The following CLIP1 variants were observed in gnomAD, a reference collection of about 807,000 sequenced individuals.
CLIP1 encodes the protein CAP-Gly domain-containing linker protein 1.
Under a neutral mutation model 161.6 loss-of-function variants are expected in CLIP1, and 66 were observed. That is an observed-to-expected ratio of 0.41 (90% confidence interval 0.33 to 0.50). The LOEUF (loss-of-function observed/expected upper bound fraction) is 0.50. Ranked by LOEUF, CLIP1 falls within the 20% of genes least tolerant of loss-of-function variation. The pLI is 0.27. For synonymous variants in CLIP1, 598 were observed against 626.2 expected, an observed-to-expected ratio of 0.96 and a Z score of 0.67; for missense variants, 1,376 against 1,702.0, an observed-to-expected ratio of 0.81 and a Z score of 3.37.
intron 1 of CLIP1, among the ~76,000 whole-genome samples, chr12:122,416,846 G>A (rs1220173045): frequency 6.6e-6 from 1 of 151,978 alleles, no homozygotes; most frequent in Non-Finnish European, 1.5e-5. Context: ...GTTGCAGTAA[G>A]CAGAGATCAC....
At chr12:122,397,406 C>G (rs916876038) in intron 1 of CLIP1, among the ~76,000 whole-genome samples, 1 of 151,426 alleles carries the variant, frequency 6.6e-6, no homozygotes, top group Non-Finnish European at 1.5e-5. Context: ...TGAGACCAGC[C>G]TGGGCAACAT....
chr12:122,303,023 A>C (rs1950748286), intron 20 of CLIP1, among the ~76,000 whole-genome samples: 1 of 152,218 alleles, frequency 6.6e-6, no homozygotes, highest in Non-Finnish European at 1.5e-5. Flanking sequence ...GAGCCACTGC[A>C]TCTGGCCCTT....
At chr12:122,364,721 A>C (rs1954040197) in intron 3 of CLIP1, 1 of 557,506 alleles carries the variant, frequency 1.8e-6, no homozygotes, top group Non-Finnish European at 3.4e-6. Flanking sequence ...TTATTTTTCT[A>C]ACAGAAATGT....
At chr12:122,347,346 C>A (rs1952799195) in intron 10 of CLIP1, 29 bp downstream of exon 10, 1 of 1,506,364 alleles carries the variant, frequency 6.6e-7, no homozygotes, top group Non-Finnish European at 9.2e-7. Flanking sequence ...ATGCATGGGT[C>A]TGCTTCATTA....
chr12:122,279,010 C>A lies in CLIP1; in HGVS notation c.3765+18G>T, dbSNP rs201175616. The A allele has an allele frequency of 6.2e-7, 1 of 1,609,216 alleles. No homozygotes were observed. Among genetic ancestry groups the A allele is most frequent in the Non-Finnish European group, 8.5e-7 (1 of 1,178,460 alleles). ...AGGAGGCCGCGTGAAAGCTCGTGCA[C>A]CCTGGGTGGTACTCTACCTCATTTC... On this transcript the variant is annotated intron_variant, in intron 22 of 25. Transcript: ENST00000620786. The surrounding 1 kb of genome is among the most constrained non-coding windows in gnomAD (Gnocchi z 4.5).
intron 20 of CLIP1, among the ~76,000 whole-genome samples, chr12:122,305,572 A>G (rs1429047170): frequency 2.0e-5 from 3 of 152,226 alleles, no homozygotes; most frequent in Non-Finnish European, 4.4e-5. Context: ...CGGCCACCAC[A>G]ACTCTGCAAC....
At chr12:122,331,688 T>C (rs575026502) in intron 15 of CLIP1, among the ~76,000 whole-genome samples, 4 of 152,304 alleles carry the variant, frequency 2.6e-5, no homozygotes, top group East Asian at 1.9e-4. Context: ...ATAGATAATA[T>C]GTGTTTCCTA....
chr12:122,278,149 A>C lies in CLIP1; in HGVS notation c.3966+5T>G. ...GAAAGTAAAGCAATAAGGCAGGAACATTACCTGACTCTCCTGGGCTCTTTC... is the reference window on the plus strand; with the variant it reads ...GAAAGTAAAGCAATAAGGCAGGAACCTTACCTGACTCTCCTGGGCTCTTTC... On this transcript the variant is annotated splice_donor_5th_base_variant and intron_variant, in intron 24 of 25. Coordinates refer to ENST00000620786, the MANE Select transcript of CLIP1 (RefSeq NM_001247997.2). 1 of 1,606,996 alleles carries C rather than the reference A, an allele frequency of 6.2e-7. No homozygotes were observed. Among genetic ancestry groups the C allele is most frequent in the South Asian group, 1.1e-5 (1 of 90,826 alleles).
chr12:122,330,754 C>T (rs1284465488), intron 15 of CLIP1, among the ~76,000 whole-genome samples: 1 of 149,360 alleles, frequency 6.7e-6, no homozygotes, highest in Non-Finnish European at 1.5e-5. Context: ...CACCTGCCAC[C>T]ACGCTCAGCT....
At chr12:122,334,216 G>C (rs1952111309) in intron 13 of CLIP1, 106 bp from the exon 14 acceptor site, 1 of 701,548 alleles carries the variant, frequency 1.4e-6, no homozygotes, top group Non-Finnish European at 2.5e-6. Flanking sequence ...AGAGATCTGA[G>C]AACACAGGAA....
In CLIP1 at chr12:122,323,856, T is replaced by C. The variant is rs1951610488; in HGVS notation, c.3249+4091A>G. On this transcript the variant is annotated intron_variant, in intron 17 of 25. Transcript: ENST00000620786. The surrounding 1 kb of genome is among the most constrained non-coding windows in gnomAD (Gnocchi z 4.1). ...ATGTCATCCTTATCTTTGGCCAAGA[T>C]GAAGTTTTCGGTAATAAGTTTCTTG... 6.6e-6 allele frequency: 1 copy of C among 152,658 alleles called. No homozygotes were observed. The highest frequency in any genetic ancestry group is 1.5e-5 in the Non-Finnish European group (1 of 68,052). 9.5% of individuals were successfully genotyped at this position (152,658 alleles called of 1,614,324 possible).
chr12:122,402,232 G>A (rs1208906054), intron 1 of CLIP1, among the ~76,000 whole-genome samples: 3 of 152,086 alleles, frequency 2.0e-5, no homozygotes, highest in Non-Finnish European at 4.4e-5. Flanking sequence ...TCAAGGGCTG[G>A]GCACGGTGGC....
At chr12:122,288,563 C>T (rs780938471) in intron 20 of CLIP1, 22 bp from the exon 21 acceptor site, 77 of 1,600,796 alleles carry the variant, frequency 4.8e-5, no homozygotes, top group Non-Finnish European at 6.3e-5. Context: ...ACACAAAAAA[C>T]TTCAGTTCAT....
intron 5 of CLIP1, among the ~76,000 whole-genome samples, chr12:122,360,074 G>A (rs1953699447): frequency 1.3e-5 from 2 of 152,126 alleles, no homozygotes. Flanking sequence ...GGGACCAGGA[G>A]AAGAAGAGGA....
intron 20 of CLIP1, among the ~76,000 whole-genome samples, chr12:122,299,537 A>AT (rs57480236): frequency 1.4e-5 from 2 of 146,366 alleles, no homozygotes. Context: ...TGCAGATATA[A>AT]TTTTTTTAAA....
At chr12:122,383,424 GC>G (rs1185541873) in intron 1 of CLIP1, among the ~76,000 whole-genome samples, 1 of 152,164 alleles carries the variant, frequency 6.6e-6, no homozygotes, top group African/African-American at 2.4e-5. Flanking sequence ...CCATCTTCAA[GC>G]CTCCGCCTAA....
At chr12:122,328,553 A>C in intron 15 of CLIP1, 127 bp from the exon 16 acceptor site, 1 of 544,580 alleles carries the variant, frequency 1.8e-6, no homozygotes, top group Non-Finnish European at 2.8e-6. Flanking sequence ...TAACATCAGA[A>C]CTAGGCAAGA....
intron 3 of CLIP1, among the ~76,000 whole-genome samples, chr12:122,371,663 G>A (rs1158278273): frequency 1.3e-5 from 2 of 152,206 alleles, no homozygotes; most frequent in African/African-American, 4.8e-5. Flanking sequence ...AAAGCAGTCA[G>A]GGCACAGGGC....
intron 20 of CLIP1, among the ~76,000 whole-genome samples, chr12:122,292,570 C>G (rs1285564861): frequency 6.6e-6 from 1 of 152,164 alleles, no homozygotes; most frequent in Non-Finnish European, 1.5e-5. Context: ...GCACTTCTGA[C>G]TCCTTTAGTG....
Sources: gnomAD v4.1 joint callset for allele counts (sites outside exome capture counted in the v4.1 genomes callset) on GRCh38, gnomAD v4.1.1 for gene constraint, Gnocchi (gnomAD v3.1) non-coding constraint, MANE v1.5 for transcripts, NCBI Gene and HGNC (gene_info 2026-07-23, HGNC 2026-07-21) for gene names.